Variants in HACD2 observed in about 807,000 individuals in gnomAD.
HACD2 encodes 3-hydroxyacyl-CoA dehydratase 2.
In HACD2, 15 loss-of-function variants were observed where a neutral mutation model predicts 31.0. The ratio of observed to expected loss-of-function variants is 0.48; its 90% confidence interval spans 0.32 to 0.75. The LOEUF (loss-of-function observed/expected upper bound fraction) is 0.75, where lower values mean the gene tolerates loss of function less well. HACD2 is among the 30% of genes least tolerant of loss of function. The pLI is 0.03. For missense variants in HACD2, 283 were observed against 313.0 expected (o/e 0.90, Z 0.72); for synonymous variants, 115 against 122.2 (o/e 0.94, Z 0.39).
rs541973019 is a variant in HACD2, at chr3:123,560,131, T to C, written c.292+7631A>G. Among the ~76,000 whole-genome samples, 9 of 152,268 alleles carry C rather than the reference T, an allele frequency of 5.9e-5. No individual in the cohort carries two copies. The South Asian group carries it at 1.9e-3, about 32-fold the overall frequency. On this transcript the variant is annotated intron_variant, in intron 3 of 6. Transcript: ENST00000383657. ...AGAACAGGGGCTGAAGCTTTGTGTA[T>C]CAGGAGCACAAGATGCAGGTGCATT...
chr3:123,495,145 C>A (rs560910000), intron 6 of HACD2, among the ~76,000 whole-genome samples, 175 bp from the exon 7 acceptor site: 1 of 152,182 alleles, frequency 6.6e-6, no homozygotes, highest in Non-Finnish European at 1.5e-5. Context: ...AGACTTACCT[C>A]CTTTCTTTTC....
intron 3 of HACD2, among the ~76,000 whole-genome samples, chr3:123,565,794 C>T (rs951862826): frequency 2.0e-5 from 3 of 152,136 alleles, no homozygotes; most frequent in African/African-American, 7.2e-5. Flanking sequence ...ATCCCCCAAT[C>T]TGCTAGGATG....
Position 123,585,010 on chromosome 3 carries a change from C to T in HACD2, c.18G>A (p.Ala6=). 1 of 1,510,840 alleles carries T rather than the reference C, an allele frequency of 6.6e-7. No individual in the cohort carries two copies. Among genetic ancestry groups the T allele is most frequent in the Non-Finnish European group, 8.8e-7 (1 of 1,131,068 alleles). The allele number at this position is 1,510,840 out of a possible 1,614,324, so 93.6% of individuals were successfully genotyped here. A position where few individuals can be genotyped will look rare whatever the true frequency, so the allele number is the denominator to read the frequency against. The change falls in exon 1 of 7, where the codon GCG becomes GCA. Residue 6 remains alanine (A), a synonymous_variant. Transcript: ENST00000383657. ...CCCCATTCCCCTTCGCTGCTGCAGT[C>T]GCCGCCACTGCCGCCATGTCAAGTG... The part of the protein sequence containing the change: MAAVA[A]TAAAKGNGGG...
intron 2 of HACD2, among the ~76,000 whole-genome samples, chr3:123,580,846 A>T (rs1472005359): frequency 4.4e-5 from 6 of 136,538 alleles, no homozygotes; most frequent in Non-Finnish European, 7.6e-5. Flanking sequence ...ATTTCATGAG[A>T]TAAAGAATTT....
chr3:123,509,106 A>C (rs2056017252), intron 4 of HACD2, among the ~76,000 whole-genome samples: 1 of 152,210 alleles, frequency 6.6e-6, no homozygotes, highest in Non-Finnish European at 1.5e-5. Context: ...TAGCAATGCT[A>C]TAGACTAGGT....
intron 3 of HACD2, among the ~76,000 whole-genome samples, chr3:123,540,391 CACTT>C (rs1340848650): frequency 3.9e-5 from 6 of 152,202 alleles, no homozygotes; most frequent in African/African-American, 1.4e-4. Context: ...AGAGCCTCCT[CACTT>C]GCTTGTTTAC....
intron 4 of HACD2, among the ~76,000 whole-genome samples, chr3:123,521,289 C>T (rs892826706): frequency 2.0e-5 from 3 of 152,254 alleles, no homozygotes; most frequent in African/African-American, 7.2e-5. Flanking sequence ...AACCTATAAT[C>T]TGGAAGTCCT....
At chr3:123,504,744 G>A (rs963401029) in intron 4 of HACD2, among the ~76,000 whole-genome samples, 6 of 152,154 alleles carry the variant, frequency 3.9e-5, no homozygotes, top group African/African-American at 7.2e-5. Flanking sequence ...AAAGACTAGG[G>A]ATGCAGGAAA....
Position 123,549,184 on chromosome 3 carries a change from T to C in HACD2, c.292+18578A>G, listed in dbSNP as rs200608666. On this transcript the variant is annotated intron_variant, in intron 3 of 6. Coordinates refer to ENST00000383657, the MANE Select transcript of HACD2 (RefSeq NM_198402.5). Reference sequence around the variant, plus strand: ...CTGCCTTAAATTGTCACATATTCGCTTAAGTCAATAAAAAAACAATATATT... The same window carrying C: ...CTGCCTTAAATTGTCACATATTCGCCTAAGTCAATAAAAAAACAATATATT... Among the ~76,000 whole-genome samples the C allele has an allele frequency of 2.0e-5, 3 of 152,046 alleles. No individual in the cohort carries two copies. The East Asian group carries it at 5.8e-4, about 29-fold the overall frequency.
chr3:123,500,377 A>G (rs1006769930), intron 6 of HACD2, 138 bp downstream of exon 6: 18 of 647,954 alleles, frequency 2.8e-5, no homozygotes, highest in Non-Finnish European at 2.9e-5. Context: ...GATAGTCAGC[A>G]TTCAATAAAA....
At chr3:123,579,533 C>T (rs1344263546) in intron 2 of HACD2, among the ~76,000 whole-genome samples, 1 of 151,972 alleles carries the variant, frequency 6.6e-6, no homozygotes, top group Non-Finnish European at 1.5e-5. Flanking sequence ...CGAACTCTTG[C>T]CCTCAAGTGA....
chr3:123,553,009 T>TA lies in HACD2; in HGVS notation c.292+14752dup, dbSNP rs148529777. Among the ~76,000 whole-genome samples the TA allele has an allele frequency of 4.3e-3, 659 of 151,984 alleles. 4 individuals are homozygous for TA. The highest frequency in any genetic ancestry group is 0.015 in the African/African-American group (641 of 41,466). On this transcript the variant is annotated intron_variant, in intron 3 of 6. Transcript: ENST00000383657. ...ACACATATGTTTGGAATCCTTAAAT[T>TA]AAAAGAGAAACAAAATAATGAAACA...
chr3:123,553,939 C>A (rs1286628066), intron 3 of HACD2, among the ~76,000 whole-genome samples: 1 of 150,680 alleles, frequency 6.6e-6, no homozygotes, highest in Non-Finnish European at 1.5e-5. Context: ...TGAGCTTCAT[C>A]CAACTAAAAG....
intron 3 of HACD2, among the ~76,000 whole-genome samples, chr3:123,566,068 A>C (rs1271998254): frequency 6.6e-6 from 1 of 152,112 alleles, no homozygotes. Flanking sequence ...CAAATCTACC[A>C]TTCAAAGGTC....
intron 2 of HACD2, among the ~76,000 whole-genome samples, chr3:123,575,388 A>C (rs1559936200): frequency 6.6e-6 from 1 of 152,136 alleles, no homozygotes; most frequent in Non-Finnish European, 1.5e-5. Flanking sequence ...AAGTGCTGGG[A>C]TTACAGGTGT....
At chr3:123,570,683 C>T (rs2056844162) in intron 2 of HACD2, among the ~76,000 whole-genome samples, 1 of 152,068 alleles carries the variant, frequency 6.6e-6, no homozygotes, top group Non-Finnish European at 1.5e-5. Context: ...GAAAATCTAT[C>T]CTTCTGCTTT....
Position 123,584,957 on chromosome 3 carries a change from TCCCCGG to T in HACD2, c.65_70del (p.Ala22_Gly23del). On this transcript the variant is annotated inframe_deletion, in exon 1 of 7. Transcript: ENST00000383657. ...CTTCTTCTTCCGCGTGCCGCTGGCGTCCCCGGCCCCGGCCCTGCCACCGCCGCCCCC... is the reference window on the plus strand; with the variant it reads ...CTTCTTCTTCCGCGTGCCGCTGGCGTCCCCGGCCCTGCCACCGCCGCCCCC... 6.5e-7 allele frequency: 1 copy of T among 1,527,670 alleles called. No homozygotes were observed. The allele number at this position is 1,527,670 out of a possible 1,614,324, so 94.6% of individuals were successfully genotyped here.
intron 3 of HACD2, among the ~76,000 whole-genome samples, chr3:123,538,568 T>G (rs2107716750): frequency 6.6e-6 from 1 of 152,254 alleles, no homozygotes; most frequent in South Asian, 2.1e-4. Context: ...AGTACAGAGG[T>G]GCTTCTCTAA....
intron 6 of HACD2, among the ~76,000 whole-genome samples, chr3:123,496,233 G>A (rs986587850): frequency 2.0e-5 from 3 of 152,122 alleles, no homozygotes; most frequent in African/African-American, 7.2e-5. Context: ...ACGTTGCCCA[G>A]GCTTGTCTGG....
Sources: allele counts gnomAD v4.1 joint callset (sites outside exome capture counted in the v4.1 genomes callset), GRCh38; gene constraint gnomAD v4.1.1; transcripts MANE v1.5; gene names NCBI Gene and HGNC (gene_info 2026-07-23, HGNC 2026-07-21).